SPATA4: variants seen among roughly 807,000 people sequenced by gnomAD.
The protein encoded by SPATA4 is spermatogenesis associated 4.
Under a neutral mutation model 31.8 loss-of-function variants are expected in SPATA4, and 35 were observed. The observed-to-expected ratio is 1.10, with a 90% confidence interval of 0.84 to 1.46. The LOEUF is 1.46. SPATA4 is among the 40% of genes most tolerant of loss of function. The pLI is 0.00. For missense variants in SPATA4, 394 were observed against 363.1 expected, an observed-to-expected ratio of 1.09 and a Z score of -0.69; for synonymous variants, 126 against 132.4, an observed-to-expected ratio of 0.95 and a Z score of 0.33.
At chr4:176,186,941 G>A (rs1752453519) in intron 5 of SPATA4, among the ~76,000 whole-genome samples, 1 of 152,062 alleles carries the variant, frequency 6.6e-6, no homozygotes, top group Admixed American at 6.6e-5. Context: ...AACATAATCT[G>A]TAGCAGAAGT....
In SPATA4 at chr4:176,195,464, T is replaced by G; in HGVS notation, c.99A>C (p.Arg33=). The G allele has an allele frequency of 6.2e-7, 1 of 1,614,230 alleles. No individual in the cohort carries two copies. Among genetic ancestry groups the G allele is most frequent in the Non-Finnish European group, 8.5e-7 (1 of 1,180,036 alleles). Residue 33 remains arginine (R), a synonymous_variant, in exon 1 of 6, where the codon CGA becomes CGC. Coordinates refer to ENST00000280191, the MANE Select transcript of SPATA4 (RefSeq NM_144644.4). ...SLSPQLAAPI[R]GRPKKCLVYP... The stretch of plus-strand genomic sequence containing the variant: ...AGACCAGACACTTCTTAGGCCTCCC[T>G]CGGATGGGAGCTGCTAGCTGTGGCG...
At chr4:176,188,793 A>G (rs1389626640) in intron 4 of SPATA4, among the ~76,000 whole-genome samples, 1 of 152,196 alleles carries the variant, frequency 6.6e-6, no homozygotes, top group East Asian at 1.9e-4. Context: ...TGTAAACTGA[A>G]ATACTTGAGC....
chr4:176,189,526 C>T (rs1415370131), intron 4 of SPATA4, among the ~76,000 whole-genome samples: 1 of 151,398 alleles, frequency 6.6e-6, no homozygotes, highest in South Asian at 2.1e-4. Flanking sequence ...TTAATAAATT[C>T]ATAACAATAA....
At chr4:176,190,622 C>T (rs575481359) in intron 4 of SPATA4, among the ~76,000 whole-genome samples, 2 of 152,290 alleles carry the variant, frequency 1.3e-5, no homozygotes, top group South Asian at 4.1e-4. Context: ...GACTCAGGCC[C>T]CTGTTTATTG....
intron 4 of SPATA4, 36 bp downstream of exon 4, chr4:176,192,591 C>G: frequency 6.4e-7 from 1 of 1,558,342 alleles, no homozygotes; most frequent in Non-Finnish European, 8.8e-7. Context: ...CCTGATAGAG[C>G]TTGGAAGAAC....
At chr4:176,188,090 A>AT in intron 5 of SPATA4, 29 bp downstream of exon 5, 1 of 1,517,996 alleles carries the variant, frequency 6.6e-7, no homozygotes, top group Non-Finnish European at 9.1e-7. Context: ...AAAAAAATCA[A>AT]TTTTAAGAAG....
In SPATA4 at chr4:176,195,585, C is replaced by A. The variant is rs1040376947; in HGVS notation, c.-23G>T. The A allele has an allele frequency of 6.2e-6, 10 of 1,610,884 alleles. No individual in the cohort carries two copies. The highest frequency in any genetic ancestry group is 1.3e-5 in the African/African-American group (1 of 74,870). On this transcript the variant is annotated 5_prime_UTR_variant, in exon 1 of 6. Transcript: ENST00000280191. The stretch of plus-strand genomic sequence containing the variant: ...CATGACGCTTTCTGGGTTGCTGCGG[C>A]AACAGCAGAAGGCGGGGCTGGGCCT...
chr4:176,184,722 C>A lies in SPATA4; in HGVS notation c.*58G>T, dbSNP rs1003008767. On this transcript the variant is annotated 3_prime_UTR_variant, in exon 6 of 6. Transcript: ENST00000280191. ...CATCCAATACTAGGTGATTCTGTTT[C>A]TTTATTATGGCTAGAGATGGTGGCA... The A allele has an allele frequency of 8.0e-6, 8 of 997,888 alleles. No individual in the cohort carries two copies. The highest frequency in any genetic ancestry group is 1.2e-5 in the Non-Finnish European group (8 of 680,692). The allele number at this position is 997,888 out of a possible 1,614,324, so 61.8% of individuals were successfully genotyped here.
chr4:176,194,534 C>T (rs1251917597), intron 1 of SPATA4: 1 of 152,098 alleles, frequency 6.6e-6, no homozygotes, highest in African/African-American at 2.4e-5. Context: ...TAAGGAGAGA[C>T]TACTTTAAAC....
chr4:176,188,078 A>G, intron 5 of SPATA4, 41 bp downstream of exon 5: 1 of 1,317,714 alleles, frequency 7.6e-7, no homozygotes. Context: ...AAAGTCAAGC[A>G]AAAAAAAATC....
intron 4 of SPATA4, among the ~76,000 whole-genome samples, chr4:176,192,159 G>A (rs981217013): frequency 6.6e-6 from 1 of 152,266 alleles, no homozygotes; most frequent in Middle Eastern, 3.4e-3. Flanking sequence ...TCAGTGATAC[G>A]TCTGGAAAGT....
At chr4:176,187,119 G>T (rs2126921488) in intron 5 of SPATA4, among the ~76,000 whole-genome samples, 1 of 152,102 alleles carries the variant, frequency 6.6e-6, no homozygotes, top group East Asian at 1.9e-4. Context: ...TTGTTGCATT[G>T]CCCTGTGTTT....
At chr4:176,195,303 G>A in intron 1 of SPATA4, 42 bp downstream of exon 1, 8 of 1,602,154 alleles carry the variant, frequency 5.0e-6, no homozygotes, top group Non-Finnish European at 6.8e-6. Context: ...AAAGCAGGCG[G>A]GGCGCCCACC....
In SPATA4 at chr4:176,192,738, T is replaced by C. The variant is rs1752552211; in HGVS notation, c.577A>G (p.Arg193Gly). Reference protein sequence around the residue: ...TVSKSIKDNIRLSELLSNPNM... With the variant: ...TVSKSIKDNIGLSELLSNPNM... ...GGATTGCTTAGTAATTCTGATAACC[T>C]AATGTTATCTTTAATAGACTTCGAA... The change falls in exon 4 of 6, where the codon AGG (arginine) becomes GGG (glycine). Residue 193 changes from arginine (R) to glycine (G), a missense_variant. Transcript: ENST00000280191. 1 of 1,614,162 alleles carries C rather than the reference T, an allele frequency of 6.2e-7. No homozygotes were observed.
chr4:176,195,077 C>G (rs545024915), intron 1 of SPATA4, among the ~76,000 whole-genome samples: 1 of 152,128 alleles, frequency 6.6e-6, no homozygotes, highest in Non-Finnish European at 1.5e-5. Flanking sequence ...AAAGAAAAAG[C>G]TTTGACTATT....
chr4:176,194,862 G>A (rs1420779413), intron 1 of SPATA4: 1 of 153,672 alleles, frequency 6.5e-6, no homozygotes, highest in African/African-American at 2.4e-5. Flanking sequence ...AGCCTCCCCA[G>A]TAGCTGGGAT....
intron 1 of SPATA4, 28 bp from the exon 2 acceptor site, chr4:176,193,610 T>C (rs772576426): frequency 6.4e-7 from 1 of 1,572,310 alleles, no homozygotes; most frequent in African/African-American, 1.4e-5. Flanking sequence ...GGAAATGAAA[T>C]AAAGTGTAGT....
At chr4:176,185,612 C>CA (rs927300321) in intron 5 of SPATA4, among the ~76,000 whole-genome samples, 2 of 152,150 alleles carry the variant, frequency 1.3e-5, no homozygotes, top group African/African-American at 4.8e-5. Context: ...CATTAACTAT[C>CA]AAACTATGGT....
At chr4:176,189,971 C>T (rs1289353365) in intron 4 of SPATA4, among the ~76,000 whole-genome samples, 2 of 152,092 alleles carry the variant, frequency 1.3e-5, no homozygotes, top group East Asian at 1.9e-4. Flanking sequence ...AGGGGGTGCA[C>T]GTGAGAGGGT....
Sources: gnomAD v4.1 joint callset for allele counts (sites outside exome capture counted in the v4.1 genomes callset) on GRCh38, gnomAD v4.1.1 for gene constraint, MANE v1.5 for transcripts, NCBI Gene and HGNC (gene_info 2026-07-23, HGNC 2026-07-21) for gene names.